The following PCDHA1 variants were observed in gnomAD, a reference collection of about 807,000 sequenced individuals.
PCDHA1 encodes the protein protocadherin alpha-1.
In PCDHA1, 42 loss-of-function variants were observed where a neutral mutation model predicts 61.3. That is an observed-to-expected ratio of 0.69 (90% CI 0.54 to 0.89). PCDHA1 has a LOEUF of 0.89. Among genes scored for constraint, PCDHA1 ranks in the 40% least tolerant of loss-of-function variants. The pLI is 0.00. For missense variants in PCDHA1, 1,256 were observed against 1,235.3 expected (o/e 1.02, Z -0.25); for synonymous variants, 610 against 553.8 (o/e 1.10, Z -1.43).
At chr5:140,883,773 G>T (rs1362933627) in intron 1 of PCDHA1, 4 of 1,612,256 alleles carry the variant, frequency 2.5e-6, no homozygotes, top group Admixed American at 1.7e-5. Flanking sequence ...GTGGGCGAGC[G>T]TGCGCTGTCG....
chr5:140,993,754 A>G (rs1253767297), intron 3 of PCDHA1, among the ~76,000 whole-genome samples: 1 of 152,170 alleles, frequency 6.6e-6, no homozygotes, highest in African/African-American at 2.4e-5. Context: ...ACTTGCCATT[A>G]TATTACAATT....
chr5:140,968,608 T>A, intron 1 of PCDHA1: 1 of 1,614,242 alleles, frequency 6.2e-7, no homozygotes, highest in Non-Finnish European at 8.5e-7. Flanking sequence ...ACTCAGACTC[T>A]GGGCAAAATG....
chr5:140,809,489 G>A (rs1554125251), intron 1 of PCDHA1: 1 of 1,614,246 alleles, frequency 6.2e-7, no homozygotes, highest in East Asian at 2.2e-5. Context: ...ACCCAAGACC[G>A]ACCTCATGGC....
Position 140,787,615 on chromosome 5 carries a change from C to T in PCDHA1, c.1325C>T (p.Ser442Phe), listed in dbSNP as rs782327256. The change falls in exon 1 of 4, where the codon TCC becomes TTC. Residue 442 changes from serine (S) to phenylalanine (F), a missense_variant. Transcript: ENST00000504120. ...TCGCTGTGGGCCACGGCCAGGGTGT[C>T]CGTGGAGGTGGCCGACGTGAATGAC... ...SPSLWATARVSVEVADVNDNA... is the reference protein window; with the variant it reads ...SPSLWATARVFVEVADVNDNA... The T allele has an allele frequency of 3.7e-6, 6 of 1,613,860 alleles. No homozygotes were observed. Among genetic ancestry groups the T allele is most frequent in the Non-Finnish European group, 5.1e-6 (6 of 1,179,982 alleles).
At chr5:140,894,259 T>A (rs2064392118) in intron 1 of PCDHA1, among the ~76,000 whole-genome samples, 1 of 152,106 alleles carries the variant, frequency 6.6e-6, no homozygotes. Context: ...TCTTTACAAG[T>A]GGTAGCTTAT....
chr5:140,938,926 T>C (rs149516801), intron 1 of PCDHA1, among the ~76,000 whole-genome samples: 9 of 152,172 alleles, frequency 5.9e-5, no homozygotes, highest in Non-Finnish European at 1.2e-4. Context: ...AGAAATTGGC[T>C]TTTAACTTTC....
intron 1 of PCDHA1, chr5:140,808,552 C>T: frequency 2.5e-6 from 4 of 1,614,114 alleles, no homozygotes; most frequent in Non-Finnish European, 2.5e-6. Flanking sequence ...CTCCGGCGTT[C>T]GCGCAGCCCG....
At chr5:141,000,210 A>G (rs1475631796) in intron 3 of PCDHA1, among the ~76,000 whole-genome samples, 3 of 151,622 alleles carry the variant, frequency 2.0e-5, no homozygotes, top group Non-Finnish European at 2.9e-5. Context: ...CACCTTCATT[A>G]TCAAATGCCT....
intron 1 of PCDHA1, chr5:140,830,788 T>G (rs1554133014): frequency 1.2e-5 from 2 of 161,880 alleles, no homozygotes; most frequent in African/African-American, 4.8e-5. Context: ...TTTTTCTGAT[T>G]AATTATATGG....
Position 140,829,867 on chromosome 5 carries a change from G to A in PCDHA1, c.2394+41183G>A, listed in dbSNP as rs1199530922. ...CACTGGGTGCAGGCCAAGTGGTGGCGAAGGTGCGCGCAGTTGACGCCGACT... is the reference window on the plus strand; with the variant it reads ...CACTGGGTGCAGGCCAAGTGGTGGCAAAGGTGCGCGCAGTTGACGCCGACT... On this transcript the variant is annotated intron_variant, in intron 1 of 3. Transcript: ENST00000504120. The A allele has an allele frequency of 5.0e-6, 8 of 1,613,830 alleles. No homozygotes were observed. In the African/African-American group the frequency reaches 9.3e-5, roughly 19 times the overall value.
At chr5:140,801,970 G>A (rs782352875) in intron 1 of PCDHA1, 4 of 1,614,158 alleles carry the variant, frequency 2.5e-6, no homozygotes, top group African/African-American at 1.3e-5. Context: ...GCACCAAATG[G>A]TACCCTAGTG....
In PCDHA1 at chr5:140,870,852, G is replaced by T. The variant is rs782301779; in HGVS notation, c.2394+82168G>T. 6 of 1,613,862 alleles carry T rather than the reference G, an allele frequency of 3.7e-6. 1 individual carries two copies. The South Asian group carries it at 6.6e-5, about 18-fold the overall frequency. On this transcript the variant is annotated intron_variant, in intron 1 of 3. Coordinates refer to ENST00000504120, the MANE Select transcript of PCDHA1 (RefSeq NM_018900.4). ...CAGTTAACAAGCTAGTACCGCGGTC[G>T]GTGGGTGCGGGCCACGTGGTGGCGA...
At chr5:140,801,871 C>A (rs375984847) in intron 1 of PCDHA1, 9 of 1,613,966 alleles carry the variant, frequency 5.6e-6, no homozygotes, top group African/African-American at 2.7e-5. Context: ...CTCACTGGCA[C>A]GACTCAACTA....
chr5:140,824,636 T>TTTTTTTTTTTTTTG (rs1554130013), intron 1 of PCDHA1: 1 of 143,196 alleles, frequency 7.0e-6, no homozygotes, highest in Non-Finnish European at 1.5e-5. Flanking sequence ...TTTTTTTATT[T>TTTTTTTTTTTTTTG]TCTGTAGAGA....
In PCDHA1 at chr5:140,857,261, T is replaced by C. The variant is rs145652579; in HGVS notation, c.2394+68577T>C. The C allele has an allele frequency of 4.9e-5, 79 of 1,598,562 alleles. 6 individuals carry two copies. The African/African-American group carries it at 9.1e-4, about 18-fold the overall frequency. On this transcript the variant is annotated intron_variant, in intron 1 of 3. Coordinates refer to ENST00000504120, the MANE Select transcript of PCDHA1 (RefSeq NM_018900.4). ...GGTGTCCACCTACAAGAATTACTACTCATTGGTGCTGGACAGCGCTCTGGA... is the reference window on the plus strand; with the variant it reads ...GGTGTCCACCTACAAGAATTACTACCCATTGGTGCTGGACAGCGCTCTGGA...
At chr5:140,915,650 C>G (rs1554197017) in intron 1 of PCDHA1, among the ~76,000 whole-genome samples, 1 of 151,636 alleles carries the variant, frequency 6.6e-6, no homozygotes, top group Non-Finnish European at 1.5e-5. Flanking sequence ...CTCTCTCTCT[C>G]TCTCTCAAGG....
intron 1 of PCDHA1, chr5:140,796,988 C>T (rs1762166972): frequency 1.2e-6 from 2 of 1,613,606 alleles, no homozygotes; most frequent in Admixed American, 1.7e-5. Context: ...AGTGGCCAGG[C>T]ACCCAAGGCC....
At chr5:140,938,002 G>A (rs1396127552) in intron 1 of PCDHA1, among the ~76,000 whole-genome samples, 1 of 151,938 alleles carries the variant, frequency 6.6e-6, no homozygotes, top group Non-Finnish European at 1.5e-5. Context: ...TGTATCCAAT[G>A]TTCTTGCTAA....
chr5:140,802,759 A>G (rs782279296), intron 1 of PCDHA1: 1 of 1,612,760 alleles, frequency 6.2e-7, no homozygotes, highest in South Asian at 1.1e-5. Flanking sequence ...TACGCGCTGC[A>G]GCCGCTGGAC....
Sources: gnomAD v4.1 joint callset for allele counts (sites outside exome capture counted in the v4.1 genomes callset) on GRCh38, gnomAD v4.1.1 for gene constraint, MANE v1.5 for transcripts, NCBI Gene and HGNC (gene_info 2026-07-23, HGNC 2026-07-21) for gene names.